Variants in ANKRD30B observed in about 807,000 individuals in gnomAD.
The protein encoded by ANKRD30B is ankyrin repeat domain-containing protein 30B.
ANKRD30B carries 144 observed loss-of-function variants against 202.2 expected under a neutral mutation model. The ratio of observed to expected loss-of-function variants is 0.71; its 90% CI spans 0.62 to 0.82. ANKRD30B has a LOEUF of 0.82. ANKRD30B is among the 40% of genes least tolerant of loss of function. ANKRD30B has a pLI of 0.00. For missense variants in ANKRD30B, 1,487 were observed against 1,669.1 expected (o/e 0.89, Z 1.90); for synonymous variants, 508 against 561.3 (o/e 0.91, Z 1.34).
At chr18:14,841,136 G>T (rs187678617) in intron 37 of ANKRD30B, among the ~76,000 whole-genome samples, 55 of 152,278 alleles carry the variant, frequency 3.6e-4, no homozygotes, top group Non-Finnish European at 2.4e-4. Context: ...CTCACTGGTG[G>T]GAAGGCATTA....
Position 14,763,656 on chromosome 18 carries a change from G to T in ANKRD30B, c.821-30G>T, listed in dbSNP as rs757914269. The T allele has an allele frequency of 2.5e-6, 4 of 1,608,180 alleles. No homozygotes were observed. In the Admixed American group the frequency reaches 5.1e-5, roughly 20 times the overall value. ...CAGGAGGATGATATTTAAGCAGAAA[G>T]AAAATTTAACCAGATTGTGTGTTTG... On this transcript the variant is annotated intron_variant, in intron 6 of 43. Transcript: ENST00000690538.
In ANKRD30B at chr18:14,840,587, G is replaced by T. The variant is rs1398123640; in HGVS notation, c.2989-1G>T. 2.9e-6 allele frequency: 4 copies of T among 1,383,088 alleles called. No homozygotes were observed. The East Asian group carries it at 1.1e-4, about 36-fold the overall frequency. The allele number at this position is 1,383,088 out of a possible 1,614,324, so 85.7% of individuals were successfully genotyped here. ...TTATTTATTAATATTATCTTTAACA[G>T]ATTATCTCTGTGAGTGATACACAGA... On this transcript the variant is annotated splice_acceptor_variant, in intron 36 of 43. Transcript: ENST00000690538. LOFTEE classifies it high-confidence loss of function.
the ANKRD30B span, among the ~76,000 whole-genome samples, chr18:14,893,402 G>A: frequency 6.6e-6 from 1 of 152,154 alleles, no homozygotes; most frequent in Non-Finnish European, 1.5e-5. Context: ...CCTGAGGTCA[G>A]GAGTTCAAGA....
intron 20 of ANKRD30B, among the ~76,000 whole-genome samples, 181 bp from the exon 21 acceptor site, chr18:14,798,920 G>A (rs1193387602): frequency 6.6e-6 from 1 of 152,004 alleles, no homozygotes; most frequent in Non-Finnish European, 1.5e-5. Context: ...ACAGTTTCAG[G>A]GGGTCTCCCT....
chr18:14,866,115 G>C, the ANKRD30B span, among the ~76,000 whole-genome samples: 1 of 152,220 alleles, frequency 6.6e-6, no homozygotes, highest in Non-Finnish European at 1.5e-5. Flanking sequence ...CACCCAATCG[G>C]AACATGTAGT....
At chr18:14,877,858 G>A in the ANKRD30B span, 1 of 152,346 alleles carries the variant, frequency 6.6e-6, no homozygotes, top group East Asian at 1.9e-4. Flanking sequence ...GCTTTGTGGG[G>A]TGAAGTCCTT....
intron 3 of ANKRD30B, among the ~76,000 whole-genome samples, chr18:14,754,119 C>G (rs1913943109): frequency 6.6e-6 from 1 of 152,050 alleles, no homozygotes; most frequent in African/African-American, 2.4e-5. Flanking sequence ...TAATAATAAG[C>G]AGTCAAAGTT....
intron 22 of ANKRD30B, among the ~76,000 whole-genome samples, chr18:14,799,930 T>G (rs1969204304): frequency 6.6e-6 from 1 of 152,202 alleles, no homozygotes; most frequent in African/African-American, 2.4e-5. Context: ...CCCATGCATG[T>G]TTAAATCATG....
chr18:14,911,184 C>T, the ANKRD30B span, among the ~76,000 whole-genome samples: 1 of 151,892 alleles, frequency 6.6e-6, no homozygotes, highest in South Asian at 2.1e-4. Flanking sequence ...CTTAGTCATA[C>T]ATTTTTTTTT....
chr18:14,806,840 T>C (rs923621798), intron 24 of ANKRD30B, among the ~76,000 whole-genome samples: 1 of 150,302 alleles, frequency 6.7e-6, no homozygotes, highest in Non-Finnish European at 1.5e-5. Context: ...ACATTTATCA[T>C]ATTTTTACCT....
the ANKRD30B span, among the ~76,000 whole-genome samples, chr18:14,924,280 G>C: frequency 6.6e-6 from 1 of 152,228 alleles, no homozygotes; most frequent in Non-Finnish European, 1.5e-5. Flanking sequence ...TGGTGAAACA[G>C]GATTCTGGGA....
At chr18:14,879,993 T>G in the ANKRD30B span, among the ~76,000 whole-genome samples, 2 of 152,132 alleles carry the variant, frequency 1.3e-5, no homozygotes, top group Non-Finnish European at 1.5e-5. Context: ...AGTGTTATCT[T>G]GTAGAATTTT....
the ANKRD30B span, among the ~76,000 whole-genome samples, chr18:14,922,406 A>G: frequency 7.2e-5 from 11 of 152,256 alleles, no homozygotes; most frequent in East Asian, 1.9e-4. Flanking sequence ...CTGTAATCCT[A>G]GCACTTTGGG....
the ANKRD30B span, among the ~76,000 whole-genome samples, chr18:14,876,401 C>G: frequency 6.6e-6 from 1 of 152,182 alleles, no homozygotes; most frequent in Non-Finnish European, 1.5e-5. Flanking sequence ...AGAAAATTCT[C>G]AGAGTCAGTT....
the ANKRD30B span, among the ~76,000 whole-genome samples, chr18:14,940,111 G>A: frequency 9.1e-4 from 138 of 152,306 alleles, 1 homozygote; most frequent in Non-Finnish European, 1.2e-4. Context: ...TAAAATAGGG[G>A]TACGTATGTC....
chr18:14,822,424 G>A, intron 30 of ANKRD30B, 59 bp from the exon 31 acceptor site: 1 of 964,954 alleles, frequency 1.0e-6, no homozygotes, highest in Middle Eastern at 2.6e-4. Flanking sequence ...CTGCATGAAT[G>A]TTTGGTAGAC....
the ANKRD30B span, among the ~76,000 whole-genome samples, chr18:14,877,378 CT>C: frequency 5.4e-3 from 827 of 152,126 alleles, 5 homozygotes; most frequent in African/African-American, 0.019. Flanking sequence ...TTCTAGTTGA[CT>C]TTCTGGCCTT....
At chr18:14,776,873 A>G (rs1967388301) in intron 9 of ANKRD30B, among the ~76,000 whole-genome samples, 2 of 152,182 alleles carry the variant, frequency 1.3e-5, no homozygotes, top group African/African-American at 4.8e-5. Flanking sequence ...AATCATTCTT[A>G]TTATTTTAAG....
chr18:14,792,716 C>T (rs1409561226), intron 16 of ANKRD30B, among the ~76,000 whole-genome samples: 1 of 123,272 alleles, frequency 8.1e-6, no homozygotes, highest in Non-Finnish European at 1.7e-5. Flanking sequence ...TTCTTTATTA[C>T]TATGAGGCAT....
Sources: allele counts gnomAD v4.1 joint callset (sites outside exome capture counted in the v4.1 genomes callset), GRCh38; gene constraint gnomAD v4.1.1; transcripts MANE v1.5; gene names NCBI Gene and HGNC (gene_info 2026-07-23, HGNC 2026-07-21).